USH2A: variants seen among roughly 807,000 people sequenced by gnomAD.
The protein encoded by USH2A is Usher syndrome 2A (autosomal recessive, mild).
Under a neutral mutation model 538.9 loss-of-function variants are expected in USH2A, and 443 were observed. That is an observed-to-expected ratio of 0.82 (90% CI 0.76 to 0.89). The LOEUF (loss-of-function observed/expected upper bound fraction) is 0.89, where lower values mean the gene tolerates loss of function less well. Ranked by LOEUF, USH2A falls within the 40% of genes least tolerant of loss-of-function variation. The pLI is 0.00. For synonymous variants in USH2A, 2,413 were observed against 2,273.5 expected, an observed-to-expected ratio of 1.06 and a Z score of -1.75; for missense variants, 6,633 against 6,324.8, an observed-to-expected ratio of 1.05 and a Z score of -1.65.
At chr1:216,147,885 C>T (rs1263163689) in intron 21 of USH2A, among the ~76,000 whole-genome samples, 44 of 149,496 alleles carry the variant, frequency 2.9e-4, no homozygotes, top group Admixed American at 1.8e-3. Flanking sequence ...TCCTAAGCCG[C>T]GTCCCATCTG....
At chr1:215,818,828 T>C (rs1480219837) in intron 47 of USH2A, among the ~76,000 whole-genome samples, 1 of 151,816 alleles carries the variant, frequency 6.6e-6, no homozygotes, top group Non-Finnish European at 1.5e-5. Flanking sequence ...TCTTTAGTAT[T>C]TGCTTAATAA....
intron 47 of USH2A, among the ~76,000 whole-genome samples, chr1:215,826,674 G>A (rs1280913198): frequency 6.6e-6 from 1 of 152,138 alleles, no homozygotes; most frequent in Non-Finnish European, 1.5e-5. Flanking sequence ...TGTTCCTGTG[G>A]GGTATTTGAG....
At chr1:216,381,069 G>T (rs1192094374) in intron 3 of USH2A, among the ~76,000 whole-genome samples, 1 of 152,092 alleles carries the variant, frequency 6.6e-6, no homozygotes, top group Admixed American at 6.6e-5. Flanking sequence ...AAAAAAAAGT[G>T]CTATAGGAGC....
At chr1:215,925,775 G>A (rs1666223899) in intron 38 of USH2A, among the ~76,000 whole-genome samples, 1 of 152,066 alleles carries the variant, frequency 6.6e-6, no homozygotes, top group African/African-American at 2.4e-5. Context: ...GCACATTAAT[G>A]TTTCTATTTA....
In USH2A at chr1:216,232,111, G is replaced by A. The variant is rs1311224729; in HGVS notation, c.2835C>T (p.Ala945=). 1.2e-6 allele frequency: 2 copies of A among 1,613,574 alleles called. No homozygotes were observed. Among genetic ancestry groups the A allele is most frequent in the Admixed American group, 1.7e-5 (1 of 59,988 alleles). The part of the protein sequence containing the change: ...QPGFYISPGN[A]TGCLPCSCHT... ...GGCATGAGCATGGCAGGCAGCCAGT[G>A]GCATTGCCTGGAGAAATATAAAAAC... The change falls in exon 14 of 72, where the codon GCC becomes GCT. Residue 945 remains alanine, a synonymous_variant. Transcript: ENST00000307340.
intron 9 of USH2A, among the ~76,000 whole-genome samples, chr1:216,310,989 A>G (rs2037410436): frequency 6.6e-6 from 1 of 152,194 alleles, no homozygotes; most frequent in African/African-American, 2.4e-5. Context: ...TTCAGTAAAC[A>G]ATCCAATTGT....
At chr1:215,877,995 T>C (rs1664818955) in intron 42 of USH2A, 115 bp from the exon 43 acceptor site, 3 of 1,430,184 alleles carry the variant, frequency 2.1e-6, no homozygotes, top group South Asian at 1.2e-5. Context: ...GCATAAAGAA[T>C]AACATCTTAA....
intron 61 of USH2A, among the ~76,000 whole-genome samples, chr1:215,712,499 T>C (rs538692686): frequency 6.1e-4 from 93 of 152,350 alleles, no homozygotes; most frequent in Non-Finnish European, 8.7e-4. Context: ...TGGGCTGTGA[T>C]TCATTGTCCA....
intron 21 of USH2A, among the ~76,000 whole-genome samples, chr1:216,111,722 A>C (rs1343752456): frequency 6.6e-6 from 1 of 150,978 alleles, no homozygotes; most frequent in Non-Finnish European, 1.5e-5. Context: ...ACAGTATGGA[A>C]AATCTAGTAT....
At chr1:216,084,176 C>G (rs778249297) in intron 25 of USH2A, among the ~76,000 whole-genome samples, 25 of 151,954 alleles carry the variant, frequency 1.6e-4, no homozygotes, top group Admixed American at 3.3e-4. Flanking sequence ...GCTACAGACA[C>G]TTACACCTCC....
intron 4 of USH2A, among the ~76,000 whole-genome samples, chr1:216,335,347 A>C (rs2037947996): frequency 6.6e-6 from 1 of 151,592 alleles, no homozygotes; most frequent in South Asian, 2.1e-4. Context: ...AAATTTATTA[A>C]ATCAATAACC....
intron 47 of USH2A, 87 bp from the exon 48 acceptor site, chr1:215,817,282 G>T: frequency 1.1e-6 from 1 of 891,432 alleles, no homozygotes. Flanking sequence ...GGCAGCAATA[G>T]ATACTAATAT....
chr1:215,625,612 T>C lies in USH2A; in HGVS notation c.*169A>G, dbSNP rs1655990048. The C allele has an allele frequency of 3.0e-6, 2 of 673,754 alleles. No individual in the cohort carries two copies. The highest frequency in any genetic ancestry group is 2.7e-6 in the Non-Finnish European group (1 of 372,762). The allele number at this position is 673,754 out of a possible 1,614,324, so 41.7% of individuals were successfully genotyped here. A position where few individuals can be genotyped will look rare whatever the true frequency, so the allele number is the denominator to read the frequency against. Reference sequence around the variant, plus strand: ...TTTAAGATGAGAAAAATATCATTTCTTAGACCTCTATTAGGAAGGAACACT... The same window carrying C: ...TTTAAGATGAGAAAAATATCATTTCCTAGACCTCTATTAGGAAGGAACACT... On this transcript the variant is annotated 3_prime_UTR_variant, in exon 72 of 72. Coordinates refer to ENST00000307340, the MANE Select transcript of USH2A (RefSeq NM_206933.4).
intron 3 of USH2A, among the ~76,000 whole-genome samples, chr1:216,366,395 G>T (rs1445674438): frequency 1.3e-5 from 2 of 151,956 alleles, no homozygotes; most frequent in Admixed American, 6.6e-5. Context: ...GAGGCTGTGG[G>T]TACATGGGGG....
chr1:215,728,290 T>G lies in USH2A; in HGVS notation c.11806A>C (p.Thr3936Pro), dbSNP rs2102713705. The G allele has an allele frequency of 6.2e-7, 1 of 1,614,146 alleles. No homozygotes were observed. The highest frequency in any genetic ancestry group is 2.2e-5 in the East Asian group (1 of 44,878). ...MDEGDTLRPF[T>P]LYEYRVRACN... ...GCTCTGACCCGATATTCGTAGAGTG[T>G]GAAAGGCCTCAGGGTGTCTCCTTCA... Residue 3936 changes from threonine (T) to proline (P), a missense_variant, in exon 61 of 72, where the codon ACA (threonine) becomes CCA (proline). Transcript: ENST00000307340.
chr1:215,701,372 A>G (rs1659010149), intron 61 of USH2A, among the ~76,000 whole-genome samples: 1 of 152,140 alleles, frequency 6.6e-6, no homozygotes. Context: ...CTGAATATCC[A>G]TGTTAATTTT....
At chr1:215,945,777 C>T (rs1009896992) in intron 37 of USH2A, among the ~76,000 whole-genome samples, 12 of 151,936 alleles carry the variant, frequency 7.9e-5, no homozygotes, top group African/African-American at 1.7e-4. Context: ...GGCTAAAAAG[C>T]GGACCTGGGA....
chr1:215,761,939 C>T lies in USH2A; in HGVS notation c.11048-2096G>A, dbSNP rs77720376. Among the ~76,000 whole-genome samples the T allele has an allele frequency of 2.3e-3, 350 of 152,220 alleles. 4 individuals carry two copies. The highest frequency in any genetic ancestry group is 0.02 in the East Asian group (105 of 5,168). On this transcript the variant is annotated intron_variant, in intron 56 of 71. Coordinates refer to ENST00000307340, the MANE Select transcript of USH2A (RefSeq NM_206933.4). The stretch of plus-strand genomic sequence containing the variant: ...TTGATTGTATCTCCTGTGTAAGTTA[C>T]TCCGTACAGGTTAAGATTTTGACAC...
rs1657989183 is a variant in USH2A, at chr1:215,675,437, C to A, written c.12474G>T (p.Gln4158His). ...TCACAGAGTGGACAGTAGGAGCCAGCTGAGAGTCTGGAGGGGCTTCATCTG... is the reference window on the plus strand; with the variant it reads ...TCACAGAGTGGACAGTAGGAGCCAGATGAGAGTCTGGAGGGGCTTCATCTG... ...LWTDEAPPDS[Q>H]LAPTVHSVKS... is the part of the protein sequence containing the mutation. Residue 4158 changes from glutamine (Q) to histidine (H), a missense_variant, in exon 63 of 72, where the codon CAG becomes CAT. By Grantham distance (24) the Gln-to-His change is conservative (BLOSUM62 0). Transcript: ENST00000307340. 6.2e-7 allele frequency: 1 copy of A among 1,613,860 alleles called. No individual in the cohort carries two copies. The highest frequency in any genetic ancestry group is 1.1e-5 in the South Asian group (1 of 91,090).
Sources: gnomAD v4.1 joint callset for allele counts (sites outside exome capture counted in the v4.1 genomes callset) on GRCh38, gnomAD v4.1.1 for gene constraint, MANE v1.5 for transcripts, NCBI Gene and HGNC (gene_info 2026-07-23, HGNC 2026-07-21) for gene names.